The following MYRIP variants were observed in gnomAD, a reference collection of about 807,000 sequenced individuals.
MYRIP encodes myosin VIIA and Rab interacting protein.
Under a neutral mutation model 98.0 loss-of-function variants are expected in MYRIP, and 49 were observed. The ratio of observed to expected loss-of-function variants is 0.50; its 90% CI spans 0.40 to 0.63. The LOEUF (loss-of-function observed/expected upper bound fraction) is 0.63. Among genes scored for constraint, MYRIP ranks in the 30% least tolerant of loss-of-function variants. MYRIP has a pLI of 0.00. For synonymous variants in MYRIP, 404 were observed against 409.5 expected, an observed-to-expected ratio of 0.99 and a Z score of 0.16; for missense variants, 1,004 against 1,058.2, an observed-to-expected ratio of 0.95 and a Z score of 0.71.
At chr3:40,168,774 CCT>C (rs1201252421) in intron 7 of MYRIP, among the ~76,000 whole-genome samples, 3 of 152,126 alleles carry the variant, frequency 2.0e-5, no homozygotes, top group Admixed American at 6.5e-5. Context: ...CTGACTCCCC[CCT>C]CTCATCTCAT....
chr3:40,168,850 T>G (rs1950552893), intron 7 of MYRIP, among the ~76,000 whole-genome samples: 1 of 152,236 alleles, frequency 6.6e-6, no homozygotes, highest in African/African-American at 2.4e-5. Context: ...CTCCCTATAC[T>G]GGGAGGGTCT....
intron 1 of MYRIP, among the ~76,000 whole-genome samples, chr3:39,856,329 A>G (rs1267882458): frequency 6.6e-6 from 1 of 152,184 alleles, no homozygotes; most frequent in Non-Finnish European, 1.5e-5. Flanking sequence ...TGGGAGCTGC[A>G]CATTAGCCCT....
At chr3:40,149,568 C>G (rs1231478604) in intron 3 of MYRIP, among the ~76,000 whole-genome samples, 1 of 152,236 alleles carries the variant, frequency 6.6e-6, no homozygotes, top group African/African-American at 2.4e-5. Flanking sequence ...TAAGACCAAT[C>G]ATCCTCAGAC....
At chr3:39,995,713 C>G (rs573602902) in intron 2 of MYRIP, among the ~76,000 whole-genome samples, 6 of 152,246 alleles carry the variant, frequency 3.9e-5, no homozygotes, top group African/African-American at 1.4e-4. Context: ...TCGAGAAGAG[C>G]AACTCCAAGA....
chr3:40,052,121 A>G (rs768885328), intron 3 of MYRIP, among the ~76,000 whole-genome samples: 5 of 152,102 alleles, frequency 3.3e-5, no homozygotes, highest in Admixed American at 6.6e-5. Context: ...ATTGAATACT[A>G]TAACTTTTTC....
intron 2 of MYRIP, among the ~76,000 whole-genome samples, chr3:39,952,842 G>A (rs1945059146): frequency 6.6e-6 from 1 of 152,146 alleles, no homozygotes; most frequent in African/African-American, 2.4e-5. Flanking sequence ...TAGGGACTTT[G>A]CAATTGCCAC....
chr3:40,204,005 T>TAC (rs1951682825), intron 10 of MYRIP, among the ~76,000 whole-genome samples: 2 of 2,196 alleles, frequency 9.1e-4, no homozygotes, highest in Non-Finnish European at 2.4e-3. Context: ...ATATATTATA[T>TAC]ATTATATATA....
intron 1 of MYRIP, among the ~76,000 whole-genome samples, chr3:39,835,313 T>C (rs563533044): frequency 6.6e-5 from 10 of 152,136 alleles, no homozygotes; most frequent in Middle Eastern, 6.8e-3. Context: ...CTAAAATCTT[T>C]GTTTTAAAAA....
intron 2 of MYRIP, among the ~76,000 whole-genome samples, chr3:39,934,646 C>T: frequency 6.6e-6 from 1 of 152,172 alleles, no homozygotes; most frequent in East Asian, 1.9e-4. Context: ...AAGATGTGCA[C>T]AATCTGGCTT....
intron 1 of MYRIP, among the ~76,000 whole-genome samples, chr3:39,897,090 T>G (rs1943628561): frequency 6.6e-6 from 1 of 152,228 alleles, no homozygotes; most frequent in South Asian, 2.1e-4. Context: ...AGTAATTATG[T>G]TGGAATAGCT....
At chr3:40,045,971 G>T (rs1373777762) in intron 3 of MYRIP, among the ~76,000 whole-genome samples, 1 of 152,000 alleles carries the variant, frequency 6.6e-6, no homozygotes, top group Non-Finnish European at 1.5e-5. Context: ...GAGAAAATTG[G>T]AAAAAATGAA....
At chr3:40,066,873 T>C (rs959818816) in intron 3 of MYRIP, among the ~76,000 whole-genome samples, 1 of 152,164 alleles carries the variant, frequency 6.6e-6, no homozygotes, top group Non-Finnish European at 1.5e-5. Context: ...TACTACAACA[T>C]GAATGAAAAT....
intron 2 of MYRIP, among the ~76,000 whole-genome samples, chr3:39,902,157 G>A (rs1448297627): frequency 2.6e-5 from 4 of 152,210 alleles, no homozygotes; most frequent in Non-Finnish European, 5.9e-5. Flanking sequence ...AGGGTATTTT[G>A]TAGCCAGGTA....
chr3:39,874,655 A>T (rs1002213707), intron 1 of MYRIP, among the ~76,000 whole-genome samples: 3 of 152,036 alleles, frequency 2.0e-5, no homozygotes, highest in Non-Finnish European at 2.9e-5. Flanking sequence ...ATTGATTTGC[A>T]TATATTGAAC....
chr3:39,933,960 C>G (rs1217320616), intron 2 of MYRIP, among the ~76,000 whole-genome samples: 4 of 152,164 alleles, frequency 2.6e-5, no homozygotes, highest in African/African-American at 9.7e-5. Flanking sequence ...TCCTAGAAAA[C>G]AACATTAGCA....
chr3:40,173,643 C>G (rs1172435978), intron 8 of MYRIP: 1 of 152,282 alleles, frequency 6.6e-6, no homozygotes, highest in Non-Finnish European at 1.5e-5. Flanking sequence ...CATGACCCTT[C>G]CCAAGGGGAA....
intron 1 of MYRIP, among the ~76,000 whole-genome samples, chr3:39,888,374 A>G (rs1216933326): frequency 1.1e-4 from 17 of 151,586 alleles, no homozygotes; most frequent in African/African-American, 3.6e-4. Flanking sequence ...AAATAACGCC[A>G]CATATCTACA....
intron 1 of MYRIP, among the ~76,000 whole-genome samples, chr3:39,841,354 C>G (rs1941793855): frequency 6.6e-6 from 1 of 151,936 alleles, no homozygotes; most frequent in Admixed American, 6.6e-5. Flanking sequence ...TTCCTGTAAC[C>G]TTTTATCAAT....
chr3:40,048,610 C>G (rs1947720194), intron 3 of MYRIP, among the ~76,000 whole-genome samples: 1 of 152,114 alleles, frequency 6.6e-6, no homozygotes. Context: ...TAACCTATAA[C>G]TTTAACTTTC....
Sources: allele counts gnomAD v4.1 joint callset (sites outside exome capture counted in the v4.1 genomes callset), GRCh38; gene constraint gnomAD v4.1.1; transcripts MANE v1.5; gene names NCBI Gene and HGNC (gene_info 2026-07-23, HGNC 2026-07-21).